TAMM41: variants seen among roughly 807,000 people sequenced by gnomAD.
TAMM41 encodes TAM41 mitochondrial translocator assembly and maintenance homolog, also known as phosphatidate cytidylyltransferase, mitochondrial.
TAMM41 carries 36 observed loss-of-function variants against 44.1 expected under a neutral mutation model. The observed-to-expected ratio is 0.82, with a 90% CI of 0.63 to 1.08. TAMM41 has a LOEUF of 1.08. Ranked by LOEUF, TAMM41 falls within the 50% of genes least tolerant of loss-of-function variation. TAMM41 has a pLI of 0.00. For synonymous variants in TAMM41, 164 were observed against 153.1 expected (o/e 1.07, Z -0.53); for missense variants, 417 against 404.3 (o/e 1.03, Z -0.27).
chr3:11,753,583 T>TA, the TAMM41 span, among the ~76,000 whole-genome samples: 4 of 144,336 alleles, frequency 2.8e-5, no homozygotes, highest in Admixed American at 7.0e-5. Flanking sequence ...AAATAAAAAA[T>TA]AAAAAAAAGT....
At chr3:11,727,390 CT>C in the TAMM41 span, among the ~76,000 whole-genome samples, 1 of 152,152 alleles carries the variant, frequency 6.6e-6, no homozygotes, top group Non-Finnish European at 1.5e-5. Context: ...TGAATTGGAT[CT>C]GCATTTCAGC....
chr3:11,746,360 A>G, the TAMM41 span, among the ~76,000 whole-genome samples: 13 of 152,098 alleles, frequency 8.5e-5, no homozygotes, highest in Admixed American at 2.0e-4. Context: ...AGAAGTGTAC[A>G]GTGAGCTGTT....
chr3:11,832,930 T>C, intron 3 of TAMM41: 2 of 956,616 alleles, frequency 2.1e-6, no homozygotes, highest in Non-Finnish European at 2.5e-6. Flanking sequence ...AAGGAAGTTG[T>C]TCTACATAGG....
At chr3:11,739,603 T>C in the TAMM41 span, among the ~76,000 whole-genome samples, 3 of 124,300 alleles carry the variant, frequency 2.4e-5, no homozygotes, top group African/African-American at 3.2e-5. Flanking sequence ...ACCCGGGAGG[T>C]GGAGGTTGCA....
chr3:11,784,831 C>A, the TAMM41 span, among the ~76,000 whole-genome samples: 1 of 134,204 alleles, frequency 7.5e-6, no homozygotes, highest in Non-Finnish European at 1.5e-5. Context: ...GAGGAGGAGT[C>A]TCGCTCTGTC....
the TAMM41 span, among the ~76,000 whole-genome samples, chr3:11,760,970 T>C: frequency 8.6e-5 from 13 of 151,098 alleles, no homozygotes; most frequent in South Asian, 2.6e-3. Flanking sequence ...ATCGAGACCA[T>C]CCTGGCTAAC....
the TAMM41 span, among the ~76,000 whole-genome samples, chr3:11,759,262 C>T: frequency 6.6e-6 from 1 of 152,042 alleles, no homozygotes; most frequent in Non-Finnish European, 1.5e-5. Context: ...AGGGAGTGAT[C>T]GCCATCTAAG....
the TAMM41 span, among the ~76,000 whole-genome samples, chr3:11,770,305 C>T: frequency 6.6e-6 from 1 of 152,136 alleles, no homozygotes; most frequent in African/African-American, 2.4e-5. Context: ...CCCATAAAAA[C>T]ATGCACCCTA....
In TAMM41 at chr3:11,826,314, G is replaced by A. The variant is rs143643766; in HGVS notation, c.562+3400C>T. Among the ~76,000 whole-genome samples, 26 of 152,178 alleles carry A rather than the reference G, an allele frequency of 1.7e-4. No individual in the cohort carries two copies. In the East Asian group the frequency reaches 4.5e-3, roughly 26 times the overall value. On this transcript the variant is annotated intron_variant, in intron 4 of 7. Transcript: ENST00000455809. The stretch of plus-strand genomic sequence containing the variant: ...TCGGGGAGGCCGAGGCGGGAGGATC[G>A]TTTGAGCTCAGGAATTCGAGACCAG...
the TAMM41 span, among the ~76,000 whole-genome samples, chr3:11,726,955 T>C: frequency 6.6e-6 from 1 of 152,130 alleles, no homozygotes; most frequent in Non-Finnish European, 1.5e-5. Context: ...TCTACTTTTC[T>C]GGGAACCAAA....
chr3:11,749,235 C>T, the TAMM41 span, among the ~76,000 whole-genome samples: 97 of 152,228 alleles, frequency 6.4e-4, 2 homozygotes, highest in South Asian at 0.02. Flanking sequence ...TTATTGCACT[C>T]GTGTTTACAG....
At chr3:11,840,443 C>G (rs1221152269) in intron 2 of TAMM41, among the ~76,000 whole-genome samples, 1 of 152,040 alleles carries the variant, frequency 6.6e-6, no homozygotes, top group African/African-American at 2.4e-5. Context: ...TCCTGTTGGC[C>G]AGGCTGGTCT....
the TAMM41 span, among the ~76,000 whole-genome samples, chr3:11,746,194 T>C: frequency 6.7e-6 from 1 of 150,026 alleles, no homozygotes; most frequent in Non-Finnish European, 1.5e-5. Flanking sequence ...CCAGCTACGC[T>C]GAAGGCTGAG....
chr3:11,776,591 G>A, the TAMM41 span, among the ~76,000 whole-genome samples: 1 of 152,164 alleles, frequency 6.6e-6, no homozygotes, highest in Non-Finnish European at 1.5e-5. Flanking sequence ...ATGTAGCCTA[G>A]GTGTGCAGTG....
At chr3:11,732,168 A>G in the TAMM41 span, among the ~76,000 whole-genome samples, 8 of 152,156 alleles carry the variant, frequency 5.3e-5, no homozygotes, top group African/African-American at 1.9e-4. Flanking sequence ...CACTTGGCCC[A>G]TTAGGGCAAT....
the TAMM41 span, among the ~76,000 whole-genome samples, chr3:11,766,224 T>G: frequency 6.6e-6 from 1 of 151,330 alleles, no homozygotes; most frequent in South Asian, 2.1e-4. Flanking sequence ...GAGTGCGGAG[T>G]GAGGACCACG....
At chr3:11,787,545 G>C (rs1439563377), downstream of TAMM41, among the ~76,000 whole-genome samples, 1 of 152,044 alleles carries the variant, frequency 6.6e-6, no homozygotes, top group African/African-American at 2.4e-5. Context: ...GATATACTTA[G>C]GGTTGTTTCC....
chr3:11,761,579 C>T, the TAMM41 span, among the ~76,000 whole-genome samples: 4 of 152,082 alleles, frequency 2.6e-5, no homozygotes, highest in African/African-American at 9.7e-5. Context: ...AAATAGCTGC[C>T]GACTGCAGAT....
intron 4 of TAMM41, 101 bp downstream of exon 4, chr3:11,829,613 T>A: frequency 7.3e-7 from 1 of 1,378,890 alleles, no homozygotes; most frequent in Admixed American, 1.9e-5. Context: ...GATTTACAAC[T>A]AAGACTGTAG....
Sources: gnomAD v4.1 joint callset for allele counts (sites outside exome capture counted in the v4.1 genomes callset) on GRCh38, gnomAD v4.1.1 for gene constraint, MANE v1.5 for transcripts, NCBI Gene and HGNC (gene_info 2026-07-23, HGNC 2026-07-21) for gene names.